Variants in MGAT4C observed in about 807,000 individuals in gnomAD.
MGAT4C encodes alpha-1,3-mannosyl-glycoprotein 4-beta-N-acetylglucosaminyltransferase C.
Under a neutral mutation model 40.1 loss-of-function variants are expected in MGAT4C, and 19 were observed. The observed-to-expected ratio is 0.47, with a 90% CI of 0.33 to 0.70. The LOEUF is 0.70. Ranked by LOEUF, MGAT4C falls within the 30% of genes least tolerant of loss-of-function variation. MGAT4C has a pLI of 0.02. For synonymous variants in MGAT4C, 181 were observed against 187.1 expected (o/e 0.97, Z 0.27); for missense variants, 491 against 563.2 (o/e 0.87, Z 1.30).
intron 1 of MGAT4C, among the ~76,000 whole-genome samples, chr12:86,134,565 T>C (rs1881687785): frequency 6.6e-6 from 1 of 152,188 alleles, no homozygotes; most frequent in Admixed American, 6.5e-5. Context: ...TTCTATTTTT[T>C]TTCCTTTGTC....
chr12:86,040,839 C>T (rs538960728), intron 2 of MGAT4C, among the ~76,000 whole-genome samples: 4 of 152,180 alleles, frequency 2.6e-5, no homozygotes, highest in Non-Finnish European at 2.9e-5. Flanking sequence ...TGGAGTGAAT[C>T]TCCTGGTCTG....
chr12:86,472,666 G>A (rs937725084), intron 2 of MGAT4C, among the ~76,000 whole-genome samples: 1 of 152,044 alleles, frequency 6.6e-6, no homozygotes, highest in African/African-American at 2.4e-5. Flanking sequence ...TATTCTGGAG[G>A]AGAGGGATGT....
intron 2 of MGAT4C, among the ~76,000 whole-genome samples, chr12:86,030,113 G>C (rs1890606896): frequency 6.6e-6 from 1 of 151,672 alleles, no homozygotes; most frequent in Non-Finnish European, 1.5e-5. Flanking sequence ...AATAGGTGTG[G>C]GTCGTGCCAT....
At chr12:86,271,607 G>T (rs1952951080) in intron 4 of MGAT4C, among the ~76,000 whole-genome samples, 1 of 152,104 alleles carries the variant, frequency 6.6e-6, no homozygotes, top group Non-Finnish European at 1.5e-5. Context: ...CCAAAAAACT[G>T]AAAATAGTAT....
At chr12:86,349,813 T>C (rs1955120264) in intron 3 of MGAT4C, among the ~76,000 whole-genome samples, 1 of 152,166 alleles carries the variant, frequency 6.6e-6, no homozygotes, top group Admixed American at 6.6e-5. Flanking sequence ...AAATCTCATT[T>C]GTTACGAATT....
At chr12:86,720,358 G>A (rs1950717425) in intron 2 of MGAT4C, among the ~76,000 whole-genome samples, 1 of 152,066 alleles carries the variant, frequency 6.6e-6, no homozygotes, top group South Asian at 2.1e-4. Flanking sequence ...TGTATTTATT[G>A]AGACAGTCCT....
chr12:86,368,620 T>C (rs1955655048), intron 3 of MGAT4C, among the ~76,000 whole-genome samples: 1 of 152,056 alleles, frequency 6.6e-6, no homozygotes, highest in Non-Finnish European at 1.5e-5. Context: ...TTTTCCAGTT[T>C]CCATTATGAT....
chr12:86,183,736 C>G (rs1275992006), intron 1 of MGAT4C, among the ~76,000 whole-genome samples: 2 of 152,142 alleles, frequency 1.3e-5, no homozygotes, highest in African/African-American at 4.8e-5. Flanking sequence ...ACTGGCTTGA[C>G]CTTACCATGC....
At chr12:86,504,938 G>A (rs966428802) in intron 2 of MGAT4C, among the ~76,000 whole-genome samples, 2 of 152,010 alleles carry the variant, frequency 1.3e-5, no homozygotes, top group Non-Finnish European at 2.9e-5. Context: ...TGAGACACCG[G>A]CGCCCAGCCA....
chr12:86,338,108 T>G (rs1378351963), intron 3 of MGAT4C, among the ~76,000 whole-genome samples: 1 of 152,084 alleles, frequency 6.6e-6, no homozygotes, highest in Admixed American at 6.5e-5. Context: ...GCCCACTGTG[T>G]GGGATACTAA....
At chr12:86,243,452 T>C (rs1367993177) in intron 1 of MGAT4C, among the ~76,000 whole-genome samples, 1 of 152,190 alleles carries the variant, frequency 6.6e-6, no homozygotes. Context: ...AACCTGTGAC[T>C]TACAGCCAAT....
intron 2 of MGAT4C, among the ~76,000 whole-genome samples, chr12:86,570,987 T>C (rs1960340992): frequency 6.6e-6 from 1 of 152,026 alleles, no homozygotes. Flanking sequence ...CTAACTTTTG[T>C]ATTTTTTAGC....
intron 2 of MGAT4C, among the ~76,000 whole-genome samples, chr12:86,681,191 G>T (rs1949974961): frequency 6.6e-6 from 1 of 151,960 alleles, no homozygotes; most frequent in African/African-American, 2.4e-5. Flanking sequence ...TAAGAATTTA[G>T]ATTTCATTGT....
intron 1 of MGAT4C, among the ~76,000 whole-genome samples, chr12:86,734,775 C>T (rs1950960084): frequency 6.6e-6 from 1 of 151,938 alleles, no homozygotes; most frequent in Non-Finnish European, 1.5e-5. Context: ...GTTGAAGTCA[C>T]CAAATATGTA....
intron 2 of MGAT4C, among the ~76,000 whole-genome samples, chr12:86,604,531 G>T (rs761109946): frequency 6.6e-6 from 1 of 152,010 alleles, no homozygotes; most frequent in African/African-American, 2.4e-5. Flanking sequence ...CAGACATATA[G>T]ATACACATAA....
chr12:86,161,948 T>C (rs1283693495), intron 1 of MGAT4C, among the ~76,000 whole-genome samples: 1 of 152,072 alleles, frequency 6.6e-6, no homozygotes, highest in Non-Finnish European at 1.5e-5. Context: ...TACAATGAGA[T>C]ACCATCTCAC....
At chr12:86,588,539 G>T (rs369092625) in intron 2 of MGAT4C, among the ~76,000 whole-genome samples, 108 of 151,890 alleles carry the variant, frequency 7.1e-4, no homozygotes, top group Middle Eastern at 3.4e-3. Context: ...AACTCAGCTC[G>T]GCACCAAGTG....
intron 2 of MGAT4C, among the ~76,000 whole-genome samples, chr12:86,547,320 T>C (rs1019759812): frequency 6.6e-6 from 1 of 152,016 alleles, no homozygotes; most frequent in Non-Finnish European, 1.5e-5. Flanking sequence ...CCCTTCCTCT[T>C]CCTGCTCTTC....
chr12:86,317,947 T>A (rs1954286288), intron 4 of MGAT4C, among the ~76,000 whole-genome samples: 1 of 151,794 alleles, frequency 6.6e-6, no homozygotes, highest in African/African-American at 2.4e-5. Flanking sequence ...TAGTTATCCT[T>A]TTCCTTCTCC....
Sources: allele counts gnomAD v4.1 joint callset (sites outside exome capture counted in the v4.1 genomes callset), GRCh38; gene constraint gnomAD v4.1.1; transcripts MANE v1.5; gene names NCBI Gene and HGNC (gene_info 2026-07-23, HGNC 2026-07-21).